FAM83A: variants seen among roughly 807,000 people sequenced by gnomAD.
FAM83A encodes protein FAM83A.
A neutral mutation model predicts 24.4 loss-of-function variants in FAM83A; 21 were observed. That is an observed-to-expected ratio of 0.86 (90% CI 0.61 to 1.24). The LOEUF is 1.24. Ranked by LOEUF, FAM83A falls within the 50% of genes most tolerant of loss-of-function variation. The pLI is 0.00. For missense variants in FAM83A, 617 were observed against 579.8 expected, an observed-to-expected ratio of 1.06 and a Z score of -0.66; for synonymous variants, 270 against 252.4, an observed-to-expected ratio of 1.07 and a Z score of -0.66.
exon 4 of FAM83A, chr8:123,208,980 AAG>A (rs556002192): frequency 4.1e-6 from 4 of 985,646 alleles, no homozygotes; most frequent in East Asian, 1.1e-4. Context: ...AAAAAAAAAA[AAG>A]AGAGAGAGCA....
At chr8:123,200,201 A>G (rs151160398) in intron 3 of FAM83A, among the ~76,000 whole-genome samples, 129 of 152,342 alleles carry the variant, frequency 8.5e-4, no homozygotes, top group African/African-American at 2.7e-3. Flanking sequence ...TCTTTCATAT[A>G]GCAAAGTGGA....
Position 123,183,679 on chromosome 8 carries a change from CTTTCTTTTTTTT to C in FAM83A, c.480+357_480+368del, listed in dbSNP as rs1199716715. On this transcript the variant is annotated intron_variant, in intron 1 of 3. Transcript: ENST00000690554. The stretch of plus-strand genomic sequence containing the variant: ...TTTCTTTTTTTTCTTTTCTTTTTTT[CTTTCTTTTTTTT>C]TTTCTTTTTTTTTGAGACAGAGTCT... Among the ~76,000 whole-genome samples the C allele has an allele frequency of 1.9e-3, 266 of 141,626 alleles. 1 individual carries two copies. Among genetic ancestry groups the C allele is most frequent in the African/African-American group, 6.4e-3 (245 of 38,340 alleles). 92.9% of individuals were successfully genotyped at this position (141,626 alleles called of 152,430 possible). A position where few individuals can be genotyped will look rare whatever the true frequency, so the allele number is the denominator to read the frequency against.
upstream of FAM83A, chr8:123,179,357 T>G (rs1318765692): frequency 6.6e-6 from 1 of 152,188 alleles, no homozygotes; most frequent in Non-Finnish European, 1.5e-5. Flanking sequence ...CTCTCTTTCT[T>G]CTGCCATACA....
At chr8:123,182,875 C>T (rs771164210) in exon 1 of FAM83A, 6 of 1,522,266 alleles carry the variant, frequency 3.9e-6, no homozygotes, top group Non-Finnish European at 5.3e-6. Context: ...GTCAAGGCAC[C>T]TGGGCAAAAT....
At chr8:123,193,234 C>CTCCA (rs1263535154) in intron 2 of FAM83A, among the ~76,000 whole-genome samples, 1 of 152,184 alleles carries the variant, frequency 6.6e-6, no homozygotes, top group African/African-American at 2.4e-5. Context: ...CTATTGCTAC[C>CTCCA]TCCACAAAAC....
At chr8:123,197,745 C>T (rs897574944) in intron 3 of FAM83A, among the ~76,000 whole-genome samples, 1 of 152,138 alleles carries the variant, frequency 6.6e-6, no homozygotes, top group Non-Finnish European at 1.5e-5. Flanking sequence ...TGAGGATTCC[C>T]GAAGAAATCA....
upstream of FAM83A, chr8:123,182,136 T>C (rs1376773887): frequency 2.2e-6 from 1 of 456,150 alleles, no homozygotes; most frequent in Admixed American, 2.3e-5. Flanking sequence ...GCCTGAGAAC[T>C]GGAACCTCTG....
chr8:123,194,110 C>T (rs1563784344), exon 3 of FAM83A: 3 of 1,614,036 alleles, frequency 1.9e-6, no homozygotes, highest in Middle Eastern at 1.7e-4. Context: ...AGAAGTTCAT[C>T]ATCTCGGACT....
At chr8:123,185,418 G>A (rs1823760863) in intron 1 of FAM83A, among the ~76,000 whole-genome samples, 1 of 152,198 alleles carries the variant, frequency 6.6e-6, no homozygotes, top group South Asian at 2.1e-4. Flanking sequence ...ACAGTCCCCT[G>A]GCTGAGTCCC....
intron 1 of FAM83A, among the ~76,000 whole-genome samples, chr8:123,184,503 G>A (rs1238127762): frequency 6.6e-6 from 1 of 152,036 alleles, no homozygotes; most frequent in African/African-American, 2.4e-5. Context: ...TTAGATAGAA[G>A]AGAAAAACCC....
intron 3 of FAM83A, among the ~76,000 whole-genome samples, chr8:123,196,597 T>G (rs1824163765): frequency 6.6e-6 from 1 of 152,202 alleles, no homozygotes; most frequent in Non-Finnish European, 1.5e-5. Context: ...CTTTACACAT[T>G]TTCCAAACAA....
chr8:123,187,402 G>A lies in FAM83A; in HGVS notation c.480+4066G>A, dbSNP rs538479776. Among the ~76,000 whole-genome samples, 11 of 152,224 alleles carry A rather than the reference G, an allele frequency of 7.2e-5. No individual in the cohort carries two copies. In the South Asian group the frequency reaches 1.5e-3, roughly 20 times the overall value. ...TCCACTTCCTCCCAGACAACCCTTC[G>A]CAGCAGATTCACGCAGAAGCGGCTC... On this transcript the variant is annotated intron_variant, in intron 1 of 3. Transcript: ENST00000690554.
At chr8:123,182,538 C>G (rs113019555), upstream of FAM83A, 2,046 of 549,284 alleles carry the variant, frequency 3.7e-3, 34 homozygotes, top group African/African-American at 0.034. Flanking sequence ...TTCGCCTCCC[C>G]CTGCGGCTGG....
chr8:123,187,222 A>C (rs533284301), intron 1 of FAM83A, among the ~76,000 whole-genome samples: 1 of 152,190 alleles, frequency 6.6e-6, no homozygotes, highest in Non-Finnish European at 1.5e-5. Flanking sequence ...GGGTGAAGAC[A>C]GGAATAGAGG....
chr8:123,197,138 A>G (rs1345290636), intron 3 of FAM83A, among the ~76,000 whole-genome samples: 2 of 152,200 alleles, frequency 1.3e-5, no homozygotes, highest in African/African-American at 4.8e-5. Flanking sequence ...GGAACTTGGC[A>G]TGTGGCAAAA....
intron 3 of FAM83A, among the ~76,000 whole-genome samples, chr8:123,199,379 C>T (rs1824270852): frequency 6.6e-6 from 1 of 152,174 alleles, no homozygotes; most frequent in African/African-American, 2.4e-5. Context: ...GCTTAACTAA[C>T]ATTGGTCTGT....
intron 1 of FAM83A, among the ~76,000 whole-genome samples, chr8:123,190,137 G>A (rs1823922150): frequency 2.7e-5 from 4 of 150,562 alleles, no homozygotes; most frequent in Non-Finnish European, 1.5e-5. Context: ...GACCAGCCTG[G>A]GCAACATAGT....
intron 3 of FAM83A, among the ~76,000 whole-genome samples, chr8:123,196,270 C>G (rs144349375): frequency 0.01 from 1,541 of 152,338 alleles, 24 homozygotes; most frequent in African/African-American, 0.035. Flanking sequence ...CCTCAGCCCC[C>G]CAAAGTGCAG....
At chr8:123,186,167 T>C (rs1399823454) in intron 1 of FAM83A, among the ~76,000 whole-genome samples, 1 of 152,094 alleles carries the variant, frequency 6.6e-6, no homozygotes, top group Admixed American at 6.6e-5. Context: ...CCAATAATTT[T>C]TAAGAGTGGA....
Sources: gnomAD v4.1 joint callset for allele counts (sites outside exome capture counted in the v4.1 genomes callset) on GRCh38, gnomAD v4.1.1 for gene constraint, MANE v1.5 for transcripts, NCBI Gene and HGNC (gene_info 2026-07-23, HGNC 2026-07-21) for gene names.